Variants in PHF21B observed in about 807,000 individuals in gnomAD.
PHF21B encodes the protein PHD finger protein 4.
A neutral mutation model predicts 62.2 loss-of-function variants in PHF21B; 22 were observed. That is an observed-to-expected ratio of 0.35 (90% CI 0.25 to 0.51). The LOEUF (loss-of-function observed/expected upper bound fraction) is 0.51. Ranked by LOEUF, PHF21B falls within the 20% of genes least tolerant of loss-of-function variation. PHF21B has a pLI of 0.97. For synonymous variants in PHF21B, 341 were observed against 314.7 expected (o/e 1.08, Z -0.88); for missense variants, 701 against 707.9 (o/e 0.99, Z 0.11).
intron 2 of PHF21B, among the ~76,000 whole-genome samples, chr22:45,000,353 A>G (rs376312366): frequency 6.6e-5 from 10 of 152,018 alleles, no homozygotes; most frequent in African/African-American, 2.2e-4. Flanking sequence ...GCTGCTGAAG[A>G]AGGAGTGTGG....
intron 2 of PHF21B, among the ~76,000 whole-genome samples, chr22:44,946,113 TG>T (rs1417478075): frequency 6.8e-6 from 1 of 146,940 alleles, no homozygotes; most frequent in African/African-American, 2.7e-5. Flanking sequence ...GAGGGAAGCA[TG>T]GGGGCTGGGA....
chr22:44,932,252 G>A (rs570408195), intron 2 of PHF21B, among the ~76,000 whole-genome samples: 1 of 152,338 alleles, frequency 6.6e-6, no homozygotes, highest in South Asian at 2.1e-4. Flanking sequence ...GGGGGCGAAT[G>A]CCCCACCCCA....
rs1186506286 is a variant in PHF21B, at chr22:45,009,894, T to A, written c.-345A>T. On this transcript the variant is annotated 5_prime_UTR_variant, in exon 1 of 13. Transcript: ENST00000313237. The surrounding 1 kb of genome is among the most constrained non-coding windows in gnomAD (Gnocchi z 5.9). ...CCGCCCAGCCGCCGCCGCCGCCGCCTCCTCCCGCGCGAGCCTCCCGCGGGC... is the reference window on the plus strand; with the variant it reads ...CCGCCCAGCCGCCGCCGCCGCCGCCACCTCCCGCGCGAGCCTCCCGCGGGC... The A allele has an allele frequency of 7.0e-6, 1 of 143,492 alleles. No individual in the cohort carries two copies. The highest frequency in any genetic ancestry group is 1.5e-5 in the Non-Finnish European group (1 of 64,794). 8.9% of individuals were successfully genotyped at this position (143,492 alleles called of 1,614,324 possible).
chr22:44,952,813 G>C (rs2072220166), intron 2 of PHF21B, among the ~76,000 whole-genome samples: 2 of 152,204 alleles, frequency 1.3e-5, no homozygotes, highest in Non-Finnish European at 2.9e-5. Context: ...GCAGCCCTCA[G>C]TGACGTGAAT....
chr22:44,996,092 G>A (rs1424610767), intron 2 of PHF21B, among the ~76,000 whole-genome samples: 1 of 152,152 alleles, frequency 6.6e-6, no homozygotes, highest in African/African-American at 2.4e-5. Context: ...GGAGCCAGCG[G>A]CACAGGGCCC....
intron 2 of PHF21B, among the ~76,000 whole-genome samples, chr22:44,974,827 C>T (rs1421567625): frequency 6.6e-6 from 1 of 152,188 alleles, no homozygotes; most frequent in African/African-American, 2.4e-5. Context: ...TAGATGCCAA[C>T]CAATTTGTTT....
At position 44,886,576 on chromosome 22, in the gene PHF21B, C is replaced by T. The variant is rs2070862783; in HGVS notation, c.1198-638G>A. 2.0e-5 allele frequency among the ~76,000 whole-genome samples: 3 copies of T among 151,964 alleles called. No individual in the cohort carries two copies. The South Asian group carries it at 6.2e-4, about 32-fold the overall frequency. On this transcript the variant is annotated intron_variant, in intron 10 of 12. Transcript: ENST00000313237. ...GTGGTGTGTACCTGTGGTCCCAGCT[C>T]CTCAGGAGGCTGAGGTGGGAAGATT...
chr22:44,905,184 G>A (rs1052612926), intron 5 of PHF21B, among the ~76,000 whole-genome samples: 1 of 152,184 alleles, frequency 6.6e-6, no homozygotes, highest in Non-Finnish European at 1.5e-5. Flanking sequence ...GCCCCATGAG[G>A]TGAAAGCGAG....
chr22:44,921,234 G>T (rs1284943490), intron 2 of PHF21B, among the ~76,000 whole-genome samples: 1 of 152,186 alleles, frequency 6.6e-6, no homozygotes, highest in African/African-American at 2.4e-5. Context: ...AAGGGAGATG[G>T]CACCCTCCCA....
chr22:44,883,555 G>A (rs2064363294), intron 12 of PHF21B, among the ~76,000 whole-genome samples: 1 of 152,124 alleles, frequency 6.6e-6, no homozygotes, highest in African/African-American at 2.4e-5. Context: ...TCCCATGGCT[G>A]TGATGTGACC....
At chr22:44,923,773 T>C (rs777622490) in intron 2 of PHF21B, among the ~76,000 whole-genome samples, 6 of 151,992 alleles carry the variant, frequency 3.9e-5, no homozygotes, top group Non-Finnish European at 5.9e-5. Context: ...ATCCCAGCAC[T>C]TTGGGAGGTG....
chr22:44,929,795 G>C (rs2071704680), intron 2 of PHF21B, among the ~76,000 whole-genome samples: 2 of 152,228 alleles, frequency 1.3e-5, no homozygotes, highest in African/African-American at 4.8e-5. Context: ...TGTGGGCCAA[G>C]ACACACCCAC....
At chr22:44,967,323 C>T (rs921546281) in intron 2 of PHF21B, among the ~76,000 whole-genome samples, 1 of 151,610 alleles carries the variant, frequency 6.6e-6, no homozygotes, top group Admixed American at 6.6e-5. Context: ...CGGGTTCATG[C>T]CATTCTCCTG....
chr22:44,902,837 T>A (rs1276139980), intron 5 of PHF21B, among the ~76,000 whole-genome samples: 1 of 152,254 alleles, frequency 6.6e-6, no homozygotes, highest in Admixed American at 6.5e-5. Flanking sequence ...TTCATATTGA[T>A]GTTTTGTTGT....
At chr22:44,910,057 G>A (rs1224744850) in intron 5 of PHF21B, among the ~76,000 whole-genome samples, 1 of 152,210 alleles carries the variant, frequency 6.6e-6, no homozygotes, top group African/African-American at 2.4e-5. Flanking sequence ...AGCCTGGCAG[G>A]GAGCAAACTC....
chr22:44,905,644 T>C (rs1253581058), intron 5 of PHF21B, among the ~76,000 whole-genome samples: 1 of 152,168 alleles, frequency 6.6e-6, no homozygotes, highest in African/African-American at 2.4e-5. Flanking sequence ...TTTTTGTTTT[T>C]TTGATACGGA....
intron 7 of PHF21B, among the ~76,000 whole-genome samples, chr22:44,893,235 A>T (rs2070997483): frequency 6.6e-6 from 1 of 152,190 alleles, no homozygotes. Flanking sequence ...CTCTATTAGG[A>T]ATAAACTGAC....
At chr22:44,993,578 C>T (rs2073074894) in intron 2 of PHF21B, among the ~76,000 whole-genome samples, 2 of 152,370 alleles carry the variant, frequency 1.3e-5, no homozygotes, top group Non-Finnish European at 2.9e-5. Flanking sequence ...TTGACACACA[C>T]GCTTCTCCGC....
At position 44,920,383 on chromosome 22, in the gene PHF21B, C is replaced by T; in HGVS notation, c.213+15G>A. 1 of 1,597,526 alleles carries T rather than the reference C, an allele frequency of 6.3e-7. No individual in the cohort carries two copies. Among genetic ancestry groups the T allele is most frequent in the Non-Finnish European group, 8.5e-7 (1 of 1,170,060 alleles). On this transcript the variant is annotated intron_variant, in intron 3 of 12. Transcript: ENST00000313237. ...GACAGACGGACACCCCAGGGCCCGCCCGAGGGCTGCTTACCTGAGGTAGCA... is the reference window on the plus strand; with the variant it reads ...GACAGACGGACACCCCAGGGCCCGCTCGAGGGCTGCTTACCTGAGGTAGCA...
Sources: gnomAD v4.1 joint callset for allele counts (sites outside exome capture counted in the v4.1 genomes callset) on GRCh38, gnomAD v4.1.1 for gene constraint, Gnocchi (gnomAD v3.1) non-coding constraint, MANE v1.5 for transcripts, NCBI Gene and HGNC (gene_info 2026-07-23, HGNC 2026-07-21) for gene names.